LOC128125817: variants seen among roughly 807,000 people sequenced by gnomAD.
chr1:41,598,535 T>G, the LOC128125817 span, among the ~76,000 whole-genome samples: 1 of 152,376 alleles, frequency 6.6e-6, no homozygotes, highest in African/African-American at 2.4e-5. Context: ...CTTGCCCACA[T>G]GGCAGGATAG....
At chr1:41,595,033 AG>A in the LOC128125817 span, among the ~76,000 whole-genome samples, 1 of 152,234 alleles carries the variant, frequency 6.6e-6, no homozygotes, top group African/African-American at 2.4e-5. Flanking sequence ...ATAAAAGCAC[AG>A]GTTCTAGCCC....
chr1:41,613,265 G>T, the LOC128125817 span, among the ~76,000 whole-genome samples: 3 of 152,262 alleles, frequency 2.0e-5, no homozygotes, highest in Admixed American at 1.3e-4. Flanking sequence ...TTCCAGCCCA[G>T]GCCACTCACA....
chr1:41,604,348 A>C, the LOC128125817 span, among the ~76,000 whole-genome samples: 1 of 152,374 alleles, frequency 6.6e-6, no homozygotes, highest in East Asian at 1.9e-4. Flanking sequence ...AGTAATAAAA[A>C]AGAACAAAGT....
chr1:41,605,123 A>C, the LOC128125817 span, among the ~76,000 whole-genome samples: 3 of 113,954 alleles, frequency 2.6e-5, no homozygotes, highest in Admixed American at 2.7e-4. Flanking sequence ...AAAAAAAAAA[A>C]GAGAAAGGGA....
chr1:41,616,540 C>A, the LOC128125817 span, among the ~76,000 whole-genome samples: 2 of 151,762 alleles, frequency 1.3e-5, no homozygotes, highest in Non-Finnish European at 2.9e-5. Flanking sequence ...TCTCAGGAGG[C>A]CACTCACTGC....
At chr1:41,623,753 A>C in the LOC128125817 span, among the ~76,000 whole-genome samples, 1 of 152,162 alleles carries the variant, frequency 6.6e-6, no homozygotes, top group Non-Finnish European at 1.5e-5. Flanking sequence ...GGTCTCTCAC[A>C]AACACGGCCC....
chr1:41,588,638 C>T, the LOC128125817 span, among the ~76,000 whole-genome samples: 2 of 152,048 alleles, frequency 1.3e-5, no homozygotes, highest in Non-Finnish European at 2.9e-5. Flanking sequence ...GTGGGCTGGA[C>T]ATGGTGTTTC....
chr1:41,622,629 T>C, the LOC128125817 span, among the ~76,000 whole-genome samples: 2 of 152,236 alleles, frequency 1.3e-5, no homozygotes, highest in Non-Finnish European at 1.5e-5. Flanking sequence ...TCAAATACTA[T>C]CTGGCCATTC....
the LOC128125817 span, among the ~76,000 whole-genome samples, chr1:41,588,955 C>T: frequency 6.6e-6 from 1 of 152,264 alleles, no homozygotes; most frequent in East Asian, 1.9e-4. Flanking sequence ...GGGGAACCTG[C>T]AGGACCTAAG....
chr1:41,591,619 C>T, the LOC128125817 span, among the ~76,000 whole-genome samples: 1 of 151,942 alleles, frequency 6.6e-6, no homozygotes, highest in African/African-American at 2.4e-5. Flanking sequence ...CCATGGAAGC[C>T]ACACTAGATG....
the LOC128125817 span, among the ~76,000 whole-genome samples, chr1:41,595,266 C>T: frequency 6.6e-6 from 1 of 152,220 alleles, no homozygotes; most frequent in South Asian, 2.1e-4. Context: ...AGAGAAATCT[C>T]TTCAGTTGCC....
At chr1:41,606,007 T>C in the LOC128125817 span, among the ~76,000 whole-genome samples, 2 of 152,208 alleles carry the variant, frequency 1.3e-5, no homozygotes, top group Non-Finnish European at 2.9e-5. Flanking sequence ...GTAGTACTGG[T>C]GTGGTTACAA....
chr1:41,589,182 A>G, the LOC128125817 span, among the ~76,000 whole-genome samples: 1 of 152,194 alleles, frequency 6.6e-6, no homozygotes, highest in African/African-American at 2.4e-5. Flanking sequence ...CACCAGAGAA[A>G]TGGGCCCAGG....
chr1:41,622,242 G>A, the LOC128125817 span, among the ~76,000 whole-genome samples: 10 of 152,194 alleles, frequency 6.6e-5, no homozygotes, highest in South Asian at 2.1e-4. Flanking sequence ...GACCAGGGTA[G>A]AAATAAAGAC....
At chr1:41,607,139 T>C in the LOC128125817 span, among the ~76,000 whole-genome samples, 41 of 152,290 alleles carry the variant, frequency 2.7e-4, no homozygotes, top group African/African-American at 9.9e-4. Flanking sequence ...ATTTCTCAAC[T>C]GAGAGGAAAT....
At chr1:41,588,198 G>A in the LOC128125817 span, among the ~76,000 whole-genome samples, 3 of 152,212 alleles carry the variant, frequency 2.0e-5, no homozygotes, top group African/African-American at 7.2e-5. Context: ...CAGCCTGGCT[G>A]CACTGTGATG....
chr1:41,587,454 T>C, the LOC128125817 span, among the ~76,000 whole-genome samples: 6 of 152,176 alleles, frequency 3.9e-5, no homozygotes, highest in Admixed American at 3.9e-4. Context: ...ACTTGGAGAA[T>C]GAAATGGGAA....
the LOC128125817 span, among the ~76,000 whole-genome samples, chr1:41,616,061 G>A: frequency 6.6e-6 from 1 of 152,032 alleles, no homozygotes; most frequent in South Asian, 2.1e-4. Context: ...CAAGAGACAT[G>A]CCCCAGGTGG....
At chr1:41,596,443 T>A in the LOC128125817 span, among the ~76,000 whole-genome samples, 22 of 152,024 alleles carry the variant, frequency 1.4e-4, no homozygotes, top group African/African-American at 3.9e-4. Context: ...ACAGTGCTGT[T>A]CCCCCAAGAA....
Sources: gnomAD v4.1 joint callset for allele counts (sites outside exome capture counted in the v4.1 genomes callset) on GRCh38, gnomAD v4.1.1 for gene constraint, MANE v1.5 for transcripts.